PTPRM: variants seen among roughly 807,000 people sequenced by gnomAD.
The protein encoded by PTPRM is receptor-type tyrosine-protein phosphatase mu.
In PTPRM, 47 loss-of-function variants were observed where a neutral mutation model predicts 186.7. The ratio of observed to expected loss-of-function variants is 0.25; its 90% CI spans 0.20 to 0.32. The LOEUF is 0.32. PTPRM is among the 10% of genes least tolerant of loss of function. PTPRM has a pLI of 1.00. For synonymous variants in PTPRM, 668 were observed against 674.9 expected (o/e 0.99, Z 0.16); for missense variants, 1,494 against 1,865.0 (o/e 0.80, Z 3.66).
intron 14 of PTPRM, among the ~76,000 whole-genome samples, chr18:8,168,178 A>G (rs936224589): frequency 2.0e-5 from 3 of 152,160 alleles, no homozygotes; most frequent in Non-Finnish European, 2.9e-5. Flanking sequence ...CAGTATTAGT[A>G]TTAGTCTGAA....
At chr18:8,104,341 G>A (rs2091425292) in intron 11 of PTPRM, among the ~76,000 whole-genome samples, 1 of 152,072 alleles carries the variant, frequency 6.6e-6, no homozygotes, top group African/African-American at 2.4e-5. Flanking sequence ...AATCTCTGGG[G>A]TTTATCCCTA....
At chr18:8,355,878 C>G (rs1216684550) in intron 23 of PTPRM, among the ~76,000 whole-genome samples, 1 of 152,208 alleles carries the variant, frequency 6.6e-6, no homozygotes, top group Non-Finnish European at 1.5e-5. Context: ...ACAGTCTAGT[C>G]AAGGCGCTGA....
chr18:7,831,555 G>A (rs1177623585), intron 2 of PTPRM, among the ~76,000 whole-genome samples: 1 of 152,052 alleles, frequency 6.6e-6, no homozygotes, highest in Non-Finnish European at 1.5e-5. Flanking sequence ...GAGATGAAGT[G>A]CATAACAACC....
chr18:7,946,925 C>T, intron 5 of PTPRM: 1 of 456,204 alleles, frequency 2.2e-6, no homozygotes, highest in Non-Finnish European at 4.4e-6. Context: ...ATGCCTAGCC[C>T]AGCCCCTTCT....
chr18:7,606,336 G>T (rs956533869), intron 1 of PTPRM, among the ~76,000 whole-genome samples: 4 of 152,102 alleles, frequency 2.6e-5, no homozygotes, highest in African/African-American at 9.7e-5. Context: ...GCATCTTACC[G>T]TAGTGGCTTC....
At chr18:8,008,970 G>T (rs373764101) in intron 7 of PTPRM, among the ~76,000 whole-genome samples, 1 of 152,172 alleles carries the variant, frequency 6.6e-6, no homozygotes. Context: ...GAAGGTCCTG[G>T]CTTGAAGACA....
intron 11 of PTPRM, among the ~76,000 whole-genome samples, chr18:8,108,240 C>G (rs548870045): frequency 6.6e-6 from 1 of 151,978 alleles, no homozygotes; most frequent in Non-Finnish European, 1.5e-5. Context: ...CCAAAAATTA[C>G]AAATCAAGCC....
chr18:7,757,194 G>C (rs1175036454), intron 1 of PTPRM, among the ~76,000 whole-genome samples: 1 of 152,094 alleles, frequency 6.6e-6, no homozygotes, highest in Non-Finnish European at 1.5e-5. Flanking sequence ...AGGCCTTTTA[G>C]TAATCTCTGA....
chr18:8,296,305 C>A (rs1201670600), intron 19 of PTPRM, 63 bp from the exon 20 acceptor site: 7 of 1,016,432 alleles, frequency 6.9e-6, no homozygotes, highest in Middle Eastern at 2.0e-4. Flanking sequence ...GAACATCCTC[C>A]ATCGTTAAGA....
intron 1 of PTPRM, among the ~76,000 whole-genome samples, chr18:7,631,492 A>T (rs2038191504): frequency 1.4e-5 from 2 of 147,182 alleles, no homozygotes; most frequent in Admixed American, 1.4e-4. Context: ...CCGGGGGATT[A>T]ATTGGTGGGT....
At chr18:7,745,486 G>A (rs1598482947) in intron 1 of PTPRM, among the ~76,000 whole-genome samples, 1 of 152,320 alleles carries the variant, frequency 6.6e-6, no homozygotes, top group Admixed American at 6.5e-5. Flanking sequence ...CTAAATTGAA[G>A]TTTAGGGCCT....
intron 5 of PTPRM, 97 bp downstream of exon 5, chr18:7,926,780 G>T: frequency 1.3e-6 from 1 of 747,386 alleles, no homozygotes. Flanking sequence ...AGGTCCTAGT[G>T]TAAGAGTTTC....
At chr18:8,025,657 G>A (rs907473470) in intron 7 of PTPRM, among the ~76,000 whole-genome samples, 2 of 152,158 alleles carry the variant, frequency 1.3e-5, no homozygotes, top group East Asian at 1.9e-4. Flanking sequence ...TCAACAGCTG[G>A]TACGATATTA....
chr18:7,884,652 G>T (rs557764311), intron 2 of PTPRM, among the ~76,000 whole-genome samples: 21 of 152,258 alleles, frequency 1.4e-4, no homozygotes, highest in Admixed American at 9.8e-4. Flanking sequence ...GCCAGGTGCG[G>T]TGGCTCTTGC....
chr18:8,235,678 A>G (rs1043413853), intron 14 of PTPRM, among the ~76,000 whole-genome samples: 4 of 150,706 alleles, frequency 2.7e-5, no homozygotes, highest in African/African-American at 9.8e-5. Flanking sequence ...TTGGTTTTAG[A>G]TGTTTCTTTT....
intron 14 of PTPRM, among the ~76,000 whole-genome samples, chr18:8,155,632 A>G (rs1394457800): frequency 6.6e-6 from 1 of 152,244 alleles, no homozygotes; most frequent in Non-Finnish European, 1.5e-5. Context: ...AAGAAAAATC[A>G]CAATAAAAAT....
At chr18:7,928,920 G>A (rs182358800) in intron 5 of PTPRM, among the ~76,000 whole-genome samples, 30 of 152,286 alleles carry the variant, frequency 2.0e-4, no homozygotes, top group Non-Finnish European at 3.5e-4. Flanking sequence ...TTGTCATGTG[G>A]TATGGAGAAA....
At chr18:8,317,888 GC>G (rs778332622) in intron 21 of PTPRM, among the ~76,000 whole-genome samples, 5 of 152,160 alleles carry the variant, frequency 3.3e-5, no homozygotes, top group African/African-American at 4.8e-5. Context: ...GATAAGTCAA[GC>G]AAGGTTGTTG....
intron 2 of PTPRM, among the ~76,000 whole-genome samples, chr18:7,803,652 G>C (rs1388690947): frequency 1.3e-5 from 2 of 152,128 alleles, no homozygotes; most frequent in Non-Finnish European, 2.9e-5. Flanking sequence ...TAGCCCATGG[G>C]GAAGGAGATG....
Sources: gnomAD v4.1 joint callset for allele counts (sites outside exome capture counted in the v4.1 genomes callset) on GRCh38, gnomAD v4.1.1 for gene constraint, MANE v1.5 for transcripts, NCBI Gene and HGNC (gene_info 2026-07-23, HGNC 2026-07-21) for gene names.